SUPT3H: variants seen among roughly 807,000 people sequenced by gnomAD.
The protein encoded by SUPT3H is SPT3 homolog, SAGA and STAGA complex component.
A neutral mutation model predicts 44.3 loss-of-function variants in SUPT3H; 44 were observed. The observed-to-expected ratio is 0.99, with a 90% CI of 0.78 to 1.28. The LOEUF (loss-of-function observed/expected upper bound fraction) is 1.28. Ranked by LOEUF, SUPT3H falls within the 50% of genes most tolerant of loss-of-function variation. SUPT3H has a pLI of 0.00. For missense variants in SUPT3H, 380 were observed against 387.1 expected (o/e 0.98, Z 0.15); for synonymous variants, 124 against 125.6 (o/e 0.99, Z 0.09).
At chr6:44,821,360 A>G (rs1185271700) in intron 11 of SUPT3H, among the ~76,000 whole-genome samples, 2 of 152,220 alleles carry the variant, frequency 1.3e-5, no homozygotes, top group African/African-American at 4.8e-5. Flanking sequence ...GCTGATAAAA[A>G]TGATTTACAA....
chr6:45,220,077 C>G (rs1376507686), intron 2 of SUPT3H, among the ~76,000 whole-genome samples: 1 of 141,860 alleles, frequency 7.0e-6, no homozygotes, highest in African/African-American at 2.7e-5. Flanking sequence ...GAATTACACC[C>G]ATTTTCACAA....
Position 45,154,748 on chromosome 6 carries a change from A to G in SUPT3H, c.102-48742T>C, listed in dbSNP as rs528613013. 1.6e-4 allele frequency among the ~76,000 whole-genome samples: 25 copies of G among 152,302 alleles called. No individual in the cohort carries two copies. In the South Asian group the frequency reaches 5.2e-3, roughly 32 times the overall value. On this transcript the variant is annotated intron_variant, in intron 2 of 10. Coordinates refer to ENST00000371459, the MANE Select transcript of SUPT3H (RefSeq NM_003599.4). ...ATCAACCCTATCCCCAATGAGGAAGAATATGTAGCATCTAAACCTCATTGG... is the reference window on the plus strand; with the variant it reads ...ATCAACCCTATCCCCAATGAGGAAGGATATGTAGCATCTAAACCTCATTGG...
At chr6:44,833,560 C>G (rs748818889) in intron 10 of SUPT3H, among the ~76,000 whole-genome samples, 1 of 152,002 alleles carries the variant, frequency 6.6e-6, no homozygotes, top group Non-Finnish European at 1.5e-5. Flanking sequence ...CTTACACTTT[C>G]GAAAGGCATG....
chr6:44,901,301 G>T (rs1190749429), intron 10 of SUPT3H, among the ~76,000 whole-genome samples: 2 of 152,134 alleles, frequency 1.3e-5, no homozygotes, highest in Admixed American at 1.3e-4. Context: ...TGGCTAACTA[G>T]AATAACCAAC....
Position 44,908,792 on chromosome 6 carries a change from T to TA in SUPT3H, c.912+23860dup, listed in dbSNP as rs3842124. Reference sequence around the variant, plus strand: ...GCCACTAAAATATCTGAGTACAAACTAAAAAAAAAATATTGAAATATTTGG... The same window carrying TA: ...GCCACTAAAATATCTGAGTACAAACTAAAAAAAAAAATATTGAAATATTTGG... On this transcript the variant is annotated intron_variant, in intron 10 of 10. Coordinates refer to ENST00000371459, the MANE Select transcript of SUPT3H (RefSeq NM_003599.4). 6.7e-3 allele frequency among the ~76,000 whole-genome samples: 977 copies of TA among 145,616 alleles called. 13 individuals are homozygous for TA. Among genetic ancestry groups the TA allele is most frequent in the African/African-American group, 0.023 (922 of 40,238 alleles).
At chr6:44,981,033 G>GCC (rs1267871213) in intron 6 of SUPT3H, among the ~76,000 whole-genome samples, 1 of 152,166 alleles carries the variant, frequency 6.6e-6, no homozygotes, top group African/African-American at 2.4e-5. Flanking sequence ...TCACTCCAAT[G>GCC]CCTACTTAAA....
intron 2 of SUPT3H, among the ~76,000 whole-genome samples, chr6:45,279,555 G>A (rs1777598703): frequency 6.6e-6 from 1 of 152,040 alleles, no homozygotes; most frequent in African/African-American, 2.4e-5. Flanking sequence ...AATTGCTCCT[G>A]CTCCTGCTAT....
intron 10 of SUPT3H, among the ~76,000 whole-genome samples, chr6:44,909,418 G>T (rs1334424853): frequency 6.6e-6 from 1 of 151,864 alleles, no homozygotes; most frequent in Non-Finnish European, 1.5e-5. Flanking sequence ...TGAAATTCTG[G>T]ATCACCTATT....
intron 2 of SUPT3H, among the ~76,000 whole-genome samples, chr6:45,216,157 C>T (rs931693693): frequency 1.3e-5 from 2 of 151,858 alleles, no homozygotes; most frequent in African/African-American, 4.8e-5. Flanking sequence ...CATGACTAGA[C>T]CGAACTTACA....
chr6:44,987,564 G>C (rs1350379167), intron 6 of SUPT3H, among the ~76,000 whole-genome samples: 1 of 152,114 alleles, frequency 6.6e-6, no homozygotes, highest in Non-Finnish European at 1.5e-5. Context: ...GTAATTTCTT[G>C]TAGAGTGCTG....
intron 2 of SUPT3H, among the ~76,000 whole-genome samples, chr6:45,350,867 C>A (rs998060027): frequency 1.3e-5 from 2 of 152,258 alleles, no homozygotes; most frequent in East Asian, 3.9e-4. Flanking sequence ...CCCCAACCCC[C>A]AGTTCCAGTT....
intron 11 of SUPT3H, among the ~76,000 whole-genome samples, chr6:44,815,942 A>G (rs1309692088): frequency 1.3e-5 from 2 of 152,086 alleles, no homozygotes; most frequent in African/African-American, 4.8e-5. Flanking sequence ...CAAAGAGCAC[A>G]ATACACAAGT....
At chr6:45,240,741 A>G (rs992964519) in intron 2 of SUPT3H, among the ~76,000 whole-genome samples, 7 of 152,166 alleles carry the variant, frequency 4.6e-5, no homozygotes, top group Admixed American at 4.6e-4. Flanking sequence ...TAGAAACAGT[A>G]AAAAATACGG....
At chr6:44,856,138 A>C (rs2153423457) in intron 10 of SUPT3H, among the ~76,000 whole-genome samples, 1 of 152,318 alleles carries the variant, frequency 6.6e-6, no homozygotes, top group East Asian at 1.9e-4. Context: ...AAGGAAGAAA[A>C]CCGCTTGTAC....
At chr6:45,236,540 A>ACCCC (rs1769185640) in intron 2 of SUPT3H, among the ~76,000 whole-genome samples, 1 of 151,916 alleles carries the variant, frequency 6.6e-6, no homozygotes, top group South Asian at 2.1e-4. Flanking sequence ...ACCCTTCTGC[A>ACCCC]CCCCCTCCTT....
chr6:44,983,165 G>A (rs766042052), intron 6 of SUPT3H, among the ~76,000 whole-genome samples: 1 of 152,112 alleles, frequency 6.6e-6, no homozygotes, highest in Non-Finnish European at 1.5e-5. Flanking sequence ...TAGATGAGCA[G>A]AAGCAAATGT....
chr6:44,946,982 G>A (rs745509259), intron 9 of SUPT3H, among the ~76,000 whole-genome samples: 2 of 151,960 alleles, frequency 1.3e-5, no homozygotes, highest in Admixed American at 6.6e-5. Flanking sequence ...CCCAACCTTC[G>A]GCAACCACCA....
At chr6:44,945,121 G>C (rs1773132420) in intron 9 of SUPT3H, among the ~76,000 whole-genome samples, 1 of 151,846 alleles carries the variant, frequency 6.6e-6, no homozygotes, top group Non-Finnish European at 1.5e-5. Context: ...GGTGATCTGT[G>C]ATCTTTAGTG....
intron 6 of SUPT3H, among the ~76,000 whole-genome samples, chr6:44,994,302 A>T (rs1476384433): frequency 6.6e-6 from 1 of 152,094 alleles, no homozygotes; most frequent in Non-Finnish European, 1.5e-5. Context: ...TGGATGGACG[A>T]TTTGCTTGAC....
Sources: allele counts gnomAD v4.1 joint callset (sites outside exome capture counted in the v4.1 genomes callset), GRCh38; gene constraint gnomAD v4.1.1; transcripts MANE v1.5; gene names NCBI Gene and HGNC (gene_info 2026-07-23, HGNC 2026-07-21).